Variants in PXDNL observed in about 807,000 individuals in gnomAD.
PXDNL encodes the protein peroxidasin like.
PXDNL carries 145 observed loss-of-function variants against 150.8 expected under a neutral mutation model. The observed-to-expected ratio is 0.96, with a 90% CI of 0.84 to 1.10. PXDNL has a LOEUF of 1.10. PXDNL is among the 50% of genes least tolerant of loss of function. The pLI is 0.00. For missense variants in PXDNL, 2,087 were observed against 1,873.9 expected, an observed-to-expected ratio of 1.11 and a Z score of -2.10; for synonymous variants, 757 against 725.7, an observed-to-expected ratio of 1.04 and a Z score of -0.69.
At chr8:51,395,750 A>T (rs546873238) in intron 17 of PXDNL, among the ~76,000 whole-genome samples, 1 of 152,342 alleles carries the variant, frequency 6.6e-6, no homozygotes, top group African/African-American at 2.4e-5. Flanking sequence ...ATAAATGGCT[A>T]TGTTCCTTCT....
chr8:51,772,892 G>T (rs886760032), intron 1 of PXDNL, among the ~76,000 whole-genome samples: 1 of 152,206 alleles, frequency 6.6e-6, no homozygotes, highest in African/African-American at 2.4e-5. Context: ...CCCATTAAAG[G>T]CAAAAGCAAG....
At chr8:51,436,438 G>T in intron 12 of PXDNL, 1 of 371,690 alleles carries the variant, frequency 2.7e-6, no homozygotes, top group South Asian at 2.4e-5. Context: ...AAAATACAGA[G>T]AGAATCAGCA....
chr8:51,622,600 C>T (rs896180581), intron 2 of PXDNL, among the ~76,000 whole-genome samples: 1 of 152,154 alleles, frequency 6.6e-6, no homozygotes, highest in Non-Finnish European at 1.5e-5. Context: ...TAAAAAGTGA[C>T]TGCGTGATAA....
intron 2 of PXDNL, among the ~76,000 whole-genome samples, chr8:51,644,473 G>A (rs1336040851): frequency 5.3e-5 from 7 of 132,070 alleles, no homozygotes; most frequent in East Asian, 2.3e-4. Context: ...TTTTGTTTTT[G>A]TTTTGAGACG....
chr8:51,809,398 T>TGCAGCAGCAACC lies in PXDNL; in HGVS notation c.-55_-54insGGTTGCTGCTGC. On this transcript the variant is annotated 5_prime_UTR_variant, in exon 1 of 23. Coordinates refer to ENST00000356297, the MANE Select transcript of PXDNL (RefSeq NM_144651.5). The stretch of plus-strand genomic sequence containing the variant: ...AAGCAGCCGGAGGGAGAGCAGCAGC[T>TGCAGCAGCAACC]GCAGCTGCAGCAGCAACCGCAGTGG... 3 of 1,471,708 alleles carry TGCAGCAGCAACC rather than the reference T, an allele frequency of 2.0e-6. No individual in the cohort carries two copies. The highest frequency in any genetic ancestry group is 2.7e-5 in the South Asian group (2 of 73,180). 91.2% of individuals were successfully genotyped at this position (1,471,708 alleles called of 1,614,324 possible). A position where few individuals can be genotyped will look rare whatever the true frequency, so the allele number is the denominator to read the frequency against.
chr8:51,493,139 T>A (rs960480451), intron 5 of PXDNL, among the ~76,000 whole-genome samples: 4 of 152,222 alleles, frequency 2.6e-5, no homozygotes. Flanking sequence ...TCCACTGTTC[T>A]GCAGACTGCG....
At chr8:51,433,362 T>A (rs1214505502) in intron 12 of PXDNL, among the ~76,000 whole-genome samples, 1 of 152,018 alleles carries the variant, frequency 6.6e-6, no homozygotes, top group Non-Finnish European at 1.5e-5. Context: ...GATCTTCTCT[T>A]AATAATTAGT....
At chr8:51,559,011 G>T (rs911186503) in intron 3 of PXDNL, among the ~76,000 whole-genome samples, 4 of 151,916 alleles carry the variant, frequency 2.6e-5, no homozygotes, top group African/African-American at 9.7e-5. Context: ...TTAGAAAATT[G>T]GGGTTGTTGA....
At chr8:51,802,252 C>A (rs1585761935) in intron 1 of PXDNL, among the ~76,000 whole-genome samples, 1 of 151,478 alleles carries the variant, frequency 6.6e-6, no homozygotes, top group East Asian at 1.9e-4. Context: ...TTTTACTACT[C>A]CGATGAAGAA....
intron 17 of PXDNL, among the ~76,000 whole-genome samples, chr8:51,377,539 G>A (rs1007249103): frequency 1.3e-5 from 2 of 152,208 alleles, no homozygotes; most frequent in African/African-American, 2.4e-5. Flanking sequence ...GGCAGGAACC[G>A]GGGCTGCACA....
intron 1 of PXDNL, among the ~76,000 whole-genome samples, chr8:51,741,163 C>T (rs746363645): frequency 6.6e-6 from 1 of 152,110 alleles, no homozygotes; most frequent in Non-Finnish European, 1.5e-5. Context: ...GTAGAACTTG[C>T]TATTGGCCTA....
chr8:51,694,260 G>A (rs1816066642), intron 1 of PXDNL, among the ~76,000 whole-genome samples: 1 of 152,184 alleles, frequency 6.6e-6, no homozygotes, highest in Non-Finnish European at 1.5e-5. Context: ...CCACTTGGAA[G>A]GCTGAGGCTG....
intron 20 of PXDNL, among the ~76,000 whole-genome samples, chr8:51,342,512 T>C (rs547460209): frequency 2.2e-5 from 3 of 135,288 alleles, no homozygotes; most frequent in South Asian, 2.2e-4. Flanking sequence ...TGATTTCTGA[T>C]TGAAAAAAAA....
At chr8:51,482,546 G>A (rs1356479287) in intron 6 of PXDNL, among the ~76,000 whole-genome samples, 1 of 152,150 alleles carries the variant, frequency 6.6e-6, no homozygotes, top group Admixed American at 6.5e-5. Context: ...GGGGCCAGGG[G>A]CGGAATGATA....
chr8:51,655,012 T>G (rs1284555322), intron 1 of PXDNL, among the ~76,000 whole-genome samples: 1 of 152,176 alleles, frequency 6.6e-6, no homozygotes, highest in African/African-American at 2.4e-5. Flanking sequence ...TTTATAGAGC[T>G]CTGCAAAGTG....
intron 3 of PXDNL, among the ~76,000 whole-genome samples, chr8:51,572,073 G>A (rs913121005): frequency 1.3e-5 from 2 of 150,418 alleles, no homozygotes; most frequent in African/African-American, 4.9e-5. Context: ...GATCAAAAAT[G>A]CACTTTCTAC....
At chr8:51,744,261 A>G (rs1168483930) in intron 1 of PXDNL, among the ~76,000 whole-genome samples, 1 of 129,592 alleles carries the variant, frequency 7.7e-6, no homozygotes, top group Non-Finnish European at 1.6e-5. Context: ...AAGAAAGAAA[A>G]GAGAAAGAAA....
At chr8:51,778,262 A>G (rs929557529) in intron 1 of PXDNL, among the ~76,000 whole-genome samples, 8 of 117,774 alleles carry the variant, frequency 6.8e-5, no homozygotes, top group Non-Finnish European at 1.4e-4. Context: ...CCTGGGTGAC[A>G]GAGCAAGAAT....
intron 1 of PXDNL, among the ~76,000 whole-genome samples, chr8:51,680,295 TGTC>T (rs1294363805): frequency 1.3e-5 from 2 of 152,142 alleles, no homozygotes; most frequent in Non-Finnish European, 2.9e-5. Flanking sequence ...GAAATAGAGT[TGTC>T]GTCTTCAAAA....
Sources: allele counts gnomAD v4.1 joint callset (sites outside exome capture counted in the v4.1 genomes callset), GRCh38; gene constraint gnomAD v4.1.1; transcripts MANE v1.5; gene names NCBI Gene and HGNC (gene_info 2026-07-23, HGNC 2026-07-21).